The following NKAIN2 variants were observed in gnomAD, a reference collection of about 807,000 sequenced individuals.
The protein encoded by NKAIN2 is sodium/potassium-transporting ATPase subunit beta-1-interacting protein 2.
In NKAIN2, 14 loss-of-function variants were observed where a neutral mutation model predicts 32.6. The observed-to-expected ratio is 0.43, with a 90% CI of 0.28 to 0.67. The LOEUF (loss-of-function observed/expected upper bound fraction) is 0.67, where lower values mean the gene tolerates loss of function less well. Ranked by LOEUF, NKAIN2 falls within the 30% of genes least tolerant of loss-of-function variation. The pLI, the probability that NKAIN2 is intolerant of heterozygous loss-of-function variation, is 0.17. For missense variants in NKAIN2, 198 were observed against 258.3 expected (o/e 0.77, Z 1.60); for synonymous variants, 80 against 87.2 (o/e 0.92, Z 0.46).
intron 3 of NKAIN2, among the ~76,000 whole-genome samples, chr6:124,489,241 T>A (rs1323893662): frequency 6.6e-6 from 1 of 151,942 alleles, no homozygotes; most frequent in African/African-American, 2.4e-5. Context: ...TTTACCTCTT[T>A]GTGTGAGCTA....
In NKAIN2 at chr6:123,804,271, T is replaced by C; in HGVS notation, c.54+17T>C. 2 of 1,606,702 alleles carry C rather than the reference T, an allele frequency of 1.2e-6. No individual in the cohort carries two copies. Among genetic ancestry groups the C allele is most frequent in the Non-Finnish European group, 1.7e-6 (2 of 1,173,290 alleles). ...ATGCAACTGGTAAGTGACACTTGGG[T>C]CCCCTTATTCTGTAATGTGTCTTTG... On this transcript the variant is annotated intron_variant, in intron 1 of 6. Transcript: ENST00000368417.
At chr6:124,115,353 A>T (rs1785560505) in intron 1 of NKAIN2, among the ~76,000 whole-genome samples, 1 of 152,166 alleles carries the variant, frequency 6.6e-6, no homozygotes, top group Non-Finnish European at 1.5e-5. Flanking sequence ...AGCATAGGTC[A>T]GCCACACCTT....
chr6:124,309,260 T>C (rs1796625357), intron 2 of NKAIN2, among the ~76,000 whole-genome samples: 1 of 152,090 alleles, frequency 6.6e-6, no homozygotes, highest in African/African-American at 2.4e-5. Context: ...TGCTTTAAAA[T>C]TGGTGTAAAA....
intron 1 of NKAIN2, among the ~76,000 whole-genome samples, chr6:123,871,884 C>T (rs1043281392): frequency 1.2e-4 from 19 of 152,038 alleles, no homozygotes; most frequent in Admixed American, 2.6e-4. Flanking sequence ...TATGAATCCC[C>T]GATTGAATTT....
chr6:124,436,436 T>C (rs1168496913), intron 3 of NKAIN2, among the ~76,000 whole-genome samples: 1 of 152,162 alleles, frequency 6.6e-6, no homozygotes, highest in Admixed American at 6.5e-5. Flanking sequence ...TTTTGATTCA[T>C]GAACTTAAGA....
At chr6:124,525,356 CTATT>C (rs898967122) in intron 3 of NKAIN2, among the ~76,000 whole-genome samples, 1 of 151,776 alleles carries the variant, frequency 6.6e-6, no homozygotes, top group Non-Finnish European at 1.5e-5. Context: ...AAATTTGTAT[CTATT>C]ATTAACGGTA....
chr6:124,454,224 A>C (rs1045789976), intron 3 of NKAIN2, among the ~76,000 whole-genome samples: 5 of 151,476 alleles, frequency 3.3e-5, no homozygotes, highest in Non-Finnish European at 2.9e-5. Flanking sequence ...TTTAAAGGTT[A>C]TTTTCATCAA....
chr6:124,079,977 G>T (rs1783880406), intron 1 of NKAIN2, among the ~76,000 whole-genome samples: 2 of 151,914 alleles, frequency 1.3e-5, no homozygotes, highest in African/African-American at 4.8e-5. Context: ...TCCTCAGAGA[G>T]AAATGGTGGG....
intron 3 of NKAIN2, among the ~76,000 whole-genome samples, chr6:124,626,113 T>G (rs750886116): frequency 2.7e-4 from 28 of 104,694 alleles, no homozygotes; most frequent in East Asian, 8.9e-4. Flanking sequence ...CCCACAACAG[T>G]CCCCAGGGTG....
At chr6:124,286,101 A>AAG (rs1415119355) in intron 2 of NKAIN2, among the ~76,000 whole-genome samples, 1 of 152,160 alleles carries the variant, frequency 6.6e-6, no homozygotes, top group East Asian at 1.9e-4. Context: ...TTCATGACTG[A>AAG]AGATTAACAT....
At chr6:123,931,405 A>G (rs1776247332) in intron 1 of NKAIN2, among the ~76,000 whole-genome samples, 1 of 152,296 alleles carries the variant, frequency 6.6e-6, no homozygotes, top group South Asian at 2.1e-4. Flanking sequence ...AAGTTAAGAA[A>G]TAAAAATAAA....
At chr6:124,106,693 A>G (rs1002795757) in intron 1 of NKAIN2, among the ~76,000 whole-genome samples, 1 of 152,188 alleles carries the variant, frequency 6.6e-6, no homozygotes, top group Non-Finnish European at 1.5e-5. Flanking sequence ...GTCTACCTCA[A>G]CAATTTAATA....
chr6:124,156,154 G>A (rs145767485), intron 1 of NKAIN2, among the ~76,000 whole-genome samples: 82 of 152,132 alleles, frequency 5.4e-4, no homozygotes, highest in Admixed American at 9.2e-4. Context: ...ACTTAAGGGG[G>A]CCAGGATGGA....
At chr6:123,963,596 T>C (rs2114617646) in intron 1 of NKAIN2, among the ~76,000 whole-genome samples, 1 of 152,304 alleles carries the variant, frequency 6.6e-6, no homozygotes, top group African/African-American at 2.4e-5. Flanking sequence ...AATACATTAA[T>C]ACTTACACAA....
At chr6:124,593,228 T>TG in intron 3 of NKAIN2, among the ~76,000 whole-genome samples, 1 of 152,262 alleles carries the variant, frequency 6.6e-6, no homozygotes, top group Non-Finnish European at 1.5e-5. Flanking sequence ...TGTGTGTGTT[T>TG]GTGTGCGTGT....
intron 1 of NKAIN2, among the ~76,000 whole-genome samples, chr6:124,130,885 T>G (rs1786439448): frequency 6.6e-6 from 1 of 152,090 alleles, no homozygotes; most frequent in African/African-American, 2.4e-5. Context: ...TCAGGAAAAT[T>G]CCCATGGTAG....
chr6:124,711,021 GC>G (rs1410227106), intron 4 of NKAIN2, among the ~76,000 whole-genome samples: 12 of 147,814 alleles, frequency 8.1e-5, no homozygotes, highest in Non-Finnish European at 1.6e-4. Flanking sequence ...TTTAGGGCAG[GC>G]CTGGTGGTGA....
At chr6:124,540,449 C>T (rs547312239) in intron 3 of NKAIN2, among the ~76,000 whole-genome samples, 2 of 152,166 alleles carry the variant, frequency 1.3e-5, no homozygotes, top group East Asian at 1.9e-4. Flanking sequence ...GATAATTTTG[C>T]GTATCTGTAA....
Position 124,805,262 on chromosome 6 carries a change from C to G in NKAIN2, c.536-13125C>G, listed in dbSNP as rs535752222. Among the ~76,000 whole-genome samples, 187 of 152,298 alleles carry G rather than the reference C, an allele frequency of 1.2e-3. 1 individual carries two copies. Among genetic ancestry groups the G allele is most frequent in the Admixed American group, 3.4e-3 (52 of 15,304 alleles). ...CCCCCCAGTAGGGGCAGACTGACAT[C>G]TCACACGGCCGGGTACTCCTCTGAG... On this transcript the variant is annotated intron_variant, in intron 5 of 6. Coordinates refer to ENST00000368417, the MANE Select transcript of NKAIN2 (RefSeq NM_001040214.3).
Sources: allele counts gnomAD v4.1 joint callset (sites outside exome capture counted in the v4.1 genomes callset), GRCh38; gene constraint gnomAD v4.1.1; transcripts MANE v1.5; gene names NCBI Gene and HGNC (gene_info 2026-07-23, HGNC 2026-07-21).